Variants in DHTKD1 observed in about 807,000 individuals in gnomAD.
DHTKD1 encodes the protein 2-oxoadipate dehydrogenase complex component E1.
A neutral mutation model predicts 101.8 loss-of-function variants in DHTKD1; 78 were observed. The observed-to-expected ratio is 0.77, with a 90% CI of 0.64 to 0.93. The LOEUF is 0.93. Ranked by LOEUF, DHTKD1 falls within the 40% of genes least tolerant of loss-of-function variation. The pLI, the probability that DHTKD1 is intolerant of heterozygous loss-of-function variation, is 0.00. For missense variants in DHTKD1, 1,223 were observed against 1,161.7 expected, an observed-to-expected ratio of 1.05 and a Z score of -0.77; for synonymous variants, 462 against 450.3, an observed-to-expected ratio of 1.03 and a Z score of -0.33.
intron 3 of DHTKD1, among the ~76,000 whole-genome samples, 193 bp downstream of exon 3, chr10:12,084,944 A>T (rs1398484509): frequency 1.3e-5 from 2 of 152,100 alleles, no homozygotes; most frequent in African/African-American, 4.8e-5. Context: ...CTAGCTACTC[A>T]TGAGGCTGAG....
At position 12,103,229 on chromosome 10, in the gene DHTKD1, TAA is replaced by T. The variant is rs1037905089; in HGVS notation, c.1896+2049_1896+2050del. 1.3e-5 allele frequency among the ~76,000 whole-genome samples: 2 copies of T among 152,056 alleles called. No homozygotes were observed. The highest frequency in any genetic ancestry group is 4.8e-5 in the African/African-American group (2 of 41,420). ...AGCAAGACTCTGTCTCAAATAATAA[TAA>T]GAGTAATTTATTATTTAATACCATG... On this transcript the variant is annotated intron_variant, in intron 10 of 16. Transcript: ENST00000263035. This position sits in a 1 kb window ranked among gnomAD's most constrained non-coding sequence, Gnocchi z 4.8.
intron 16 of DHTKD1, 82 bp downstream of exon 16, chr10:12,120,349 T>A (rs1564400830): frequency 7.7e-6 from 10 of 1,294,534 alleles, no homozygotes; most frequent in Non-Finnish European, 1.1e-5. Flanking sequence ...CTTTTTTTTT[T>A]TTGAGACAGA....
chr10:12,071,813 C>A (rs1832654659), intron 1 of DHTKD1, among the ~76,000 whole-genome samples: 1 of 152,168 alleles, frequency 6.6e-6, no homozygotes, highest in African/African-American at 2.4e-5. Context: ...TAGGCGCGAG[C>A]CACCGTGTCC....
At chr10:12,118,666 G>C in intron 14 of DHTKD1, 83 bp from the exon 15 acceptor site, 1 of 1,204,594 alleles carries the variant, frequency 8.3e-7, no homozygotes, top group Non-Finnish European at 1.1e-6. Context: ...ACAGGCGTGA[G>C]CTACTGCACC....
chr10:12,092,387 A>G (rs566075292), intron 6 of DHTKD1, among the ~76,000 whole-genome samples: 1 of 152,304 alleles, frequency 6.6e-6, no homozygotes, highest in South Asian at 2.1e-4. Context: ...CAAGTCAGAG[A>G]TCAACACAAT....
chr10:12,103,906 G>C lies in DHTKD1; in HGVS notation c.1897-2340G>C, dbSNP rs551953882. Among the ~76,000 whole-genome samples, 4 of 152,220 alleles carry C rather than the reference G, an allele frequency of 2.6e-5. No individual in the cohort carries two copies. Among genetic ancestry groups the C allele is most frequent in the African/African-American group, 7.2e-5 (3 of 41,550 alleles). ...AGTGTGTACACTTGAGCAGTTTGTA[G>C]TCTATTCACAGAGTTGTGTAATCAT... On this transcript the variant is annotated intron_variant, in intron 10 of 16. Transcript: ENST00000263035. This position sits in a 1 kb window ranked among gnomAD's most constrained non-coding sequence, Gnocchi z 4.8.
In DHTKD1 at chr10:12,112,896, C is replaced by T; in HGVS notation, c.2155-4C>T. ...CTTCTCCTTTCTTGCCACTTCTCTC[C>T]CAGATGTGTGACAGTGCGGAAGAGG... On this transcript the variant is annotated splice_region_variant and splice_polypyrimidine_tract_variant and intron_variant, in intron 12 of 16. Coordinates refer to ENST00000263035, the MANE Select transcript of DHTKD1 (RefSeq NM_018706.7). 1 of 1,589,928 alleles carries T rather than the reference C, an allele frequency of 6.3e-7. No individual in the cohort carries two copies. The highest frequency in any genetic ancestry group is 8.6e-7 in the Non-Finnish European group (1 of 1,168,966).
Position 12,101,197 on chromosome 10 carries a change from A to G in DHTKD1, c.1896+16A>G, listed in dbSNP as rs778419238. 7.5e-6 allele frequency: 12 copies of G among 1,601,872 alleles called. No individual in the cohort carries two copies. The Admixed American group carries it at 2.1e-4, about 28-fold the overall frequency. ...GTTTCTAGAGGTGAGATGTTTCTAT[A>G]GCTGTTGTAAAATCCAGGTGCCAAC... On this transcript the variant is annotated intron_variant, in intron 10 of 16. Coordinates refer to ENST00000263035, the MANE Select transcript of DHTKD1 (RefSeq NM_018706.7).
intron 6 of DHTKD1, among the ~76,000 whole-genome samples, chr10:12,092,252 G>A (rs1217801411): frequency 6.6e-6 from 1 of 151,924 alleles, no homozygotes; most frequent in Non-Finnish European, 1.5e-5. Context: ...CAAAGTGCTG[G>A]GATTAAAGGC....
chr10:12,090,480 T>C (rs938095167), intron 5 of DHTKD1, among the ~76,000 whole-genome samples: 2 of 134,214 alleles, frequency 1.5e-5, no homozygotes, highest in African/African-American at 5.7e-5. Context: ...TCCTTCCTTC[T>C]TCTTTCTCTC....
At chr10:12,106,069 T>C (rs1833242168) in intron 10 of DHTKD1, among the ~76,000 whole-genome samples, 177 bp from the exon 11 acceptor site, 1 of 152,164 alleles carries the variant, frequency 6.6e-6, no homozygotes, top group South Asian at 2.1e-4. Flanking sequence ...CGCTCCAGCC[T>C]GGGCAACAAA....
intron 15 of DHTKD1, 149 bp from the exon 16 acceptor site, chr10:12,120,033 A>G (rs1277861943): frequency 4.8e-6 from 3 of 631,194 alleles, no homozygotes; most frequent in African/African-American, 1.8e-5. Context: ...GAACTGTTGT[A>G]TGGGTACTTG....
chr10:12,089,343 A>T, intron 5 of DHTKD1, 88 bp downstream of exon 5: 1 of 1,257,518 alleles, frequency 8.0e-7, no homozygotes, highest in Non-Finnish European at 1.1e-6. Flanking sequence ...CATGGCAGAC[A>T]TTCATGATGA....
chr10:12,075,692 A>G (rs930135675), intron 1 of DHTKD1, among the ~76,000 whole-genome samples: 2 of 151,996 alleles, frequency 1.3e-5, no homozygotes, highest in Non-Finnish European at 2.9e-5. Flanking sequence ...TATTTTATGA[A>G]TAATTCTATT....
intron 1 of DHTKD1, among the ~76,000 whole-genome samples, chr10:12,071,638 A>G (rs1337892245): frequency 6.6e-6 from 1 of 151,924 alleles, no homozygotes; most frequent in African/African-American, 2.4e-5. Flanking sequence ...GGTGTGGTGC[A>G]GACGTGGGGC....
rs375494996 is a variant in DHTKD1 at position 12,100,274 on chromosome 10, CT to C, written c.1756+22del. The C allele has an allele frequency of 1.5e-3, 527 of 351,556 alleles. No individual in the cohort carries two copies. The highest frequency in any genetic ancestry group is 1.8e-3 in the Middle Eastern group (3 of 1,670). The allele number at this position is 351,556 out of a possible 1,614,324, so 21.8% of individuals were successfully genotyped here. A position where few individuals can be genotyped will look rare whatever the true frequency, so the allele number is the denominator to read the frequency against. ...TTTACTTGCTCAAGGTAAGAATTTTCTTTTTTTTTTCTGTTTTTTTTTTTTT... is the reference window on the plus strand; with the variant it reads ...TTTACTTGCTCAAGGTAAGAATTTTCTTTTTTTTTCTGTTTTTTTTTTTTT... On this transcript the variant is annotated intron_variant, in intron 9 of 16. Transcript: ENST00000263035.
Position 12,112,997 on chromosome 10 carries a change from G to C in DHTKD1, c.2252G>C (p.Arg751Thr). 1 of 1,613,924 alleles carries C rather than the reference G, an allele frequency of 6.2e-7. No homozygotes were observed. The highest frequency in any genetic ancestry group is 8.5e-7 in the Non-Finnish European group (1 of 1,179,936). ...GCACAGTATTTCCACTTGCTTAGGA[G>C]ACAGATGGTCCGGAACTTCAGAAAA... The part of the protein sequence containing the change: ...TPAQYFHLLR[R>T]QMVRNFRKPL... The change falls in exon 13 of 17, where the codon AGA (arginine) becomes ACA (threonine). Residue 751 changes from arginine (R) to threonine (T), a missense_variant. Coordinates refer to ENST00000263035, the MANE Select transcript of DHTKD1 (RefSeq NM_018706.7).
chr10:12,083,458 G>A (rs1832853198), intron 2 of DHTKD1, among the ~76,000 whole-genome samples: 1 of 152,154 alleles, frequency 6.6e-6, no homozygotes, highest in Non-Finnish European at 1.5e-5. Context: ...GTTGGGGCCG[G>A]GTGTGGTGGC....
chr10:12,111,675 T>C (rs1275494105), intron 12 of DHTKD1, among the ~76,000 whole-genome samples: 1 of 152,080 alleles, frequency 6.6e-6, no homozygotes, highest in East Asian at 1.9e-4. Context: ...GCAGAGAAGA[T>C]GAGTGCAAGT....
Sources: allele counts gnomAD v4.1 joint callset (sites outside exome capture counted in the v4.1 genomes callset), GRCh38; gene constraint gnomAD v4.1.1; non-coding constraint Gnocchi (gnomAD v3.1); transcripts MANE v1.5; gene names NCBI Gene and HGNC (gene_info 2026-07-23, HGNC 2026-07-21).